Variants in UGT2A1 observed in about 807,000 individuals in gnomAD.
UGT2A1 encodes the protein UDP-glucuronosyltransferase 2A1.
A neutral mutation model predicts 45.4 loss-of-function variants in UGT2A1; 61 were observed. The ratio of observed to expected loss-of-function variants is 1.34; its 90% confidence interval spans 1.09 to 1.66. UGT2A1 has a LOEUF of 1.66. Among genes scored for constraint, UGT2A1 ranks in the 40% most tolerant of loss-of-function variants. The pLI is 0.00. For synonymous variants in UGT2A1, 229 were observed against 196.2 expected, an observed-to-expected ratio of 1.17 and a Z score of -1.40; for missense variants, 649 against 574.3, an observed-to-expected ratio of 1.13 and a Z score of -1.33.
intron 2 of UGT2A1, among the ~76,000 whole-genome samples, chr4:69,636,429 T>C (rs752987261): frequency 6.6e-6 from 1 of 152,182 alleles, no homozygotes; most frequent in African/African-American, 2.4e-5. Flanking sequence ...TTCAAGGCAG[T>C]TATTTGTTGT....
At chr4:69,621,451 T>A (rs1720750610) in intron 3 of UGT2A1, among the ~76,000 whole-genome samples, 1 of 152,018 alleles carries the variant, frequency 6.6e-6, no homozygotes, top group Non-Finnish European at 1.5e-5. Flanking sequence ...CACAGTGAGA[T>A]ACCATTTTAT....
chr4:69,592,185 C>T (rs1004164990), intron 6 of UGT2A1, among the ~76,000 whole-genome samples: 2 of 152,012 alleles, frequency 1.3e-5, no homozygotes, highest in Non-Finnish European at 2.9e-5. Flanking sequence ...AAATTCCATC[C>T]GAGTTTACCT....
At chr4:69,593,314 A>C (rs1577941108) in intron 6 of UGT2A1, among the ~76,000 whole-genome samples, 1 of 93,386 alleles carries the variant, frequency 1.1e-5, no homozygotes, top group Non-Finnish European at 2.3e-5. Flanking sequence ...TAAATGTGAG[A>C]AAAAAATGAC....
chr4:69,590,279 C>G (rs1429950677), intron 6 of UGT2A1, among the ~76,000 whole-genome samples: 1 of 152,034 alleles, frequency 6.6e-6, no homozygotes, highest in African/African-American at 2.4e-5. Context: ...GAAACATCTC[C>G]CTAGAATTAG....
chr4:69,618,035 T>C (rs181221814), intron 3 of UGT2A1, among the ~76,000 whole-genome samples: 19 of 152,140 alleles, frequency 1.2e-4, no homozygotes, highest in Non-Finnish European at 2.4e-4. Context: ...TAAGAATTTA[T>C]TTGTTTGACA....
intron 3 of UGT2A1, among the ~76,000 whole-genome samples, chr4:69,616,740 A>G (rs188874139): frequency 9.9e-5 from 15 of 151,988 alleles, no homozygotes; most frequent in Non-Finnish European, 2.1e-4. Context: ...AGTATAAGCT[A>G]TAAATCCTCC....
chr4:69,646,239 TA>T (rs1383799741), intron 2 of UGT2A1, among the ~76,000 whole-genome samples: 1 of 151,768 alleles, frequency 6.6e-6, no homozygotes, highest in Non-Finnish European at 1.5e-5. Context: ...TTCAAAAGCA[TA>T]AAAAATGGGC....
chr4:69,622,228 G>A (rs939453349), intron 3 of UGT2A1, among the ~76,000 whole-genome samples: 2 of 151,606 alleles, frequency 1.3e-5, no homozygotes, highest in Non-Finnish European at 1.5e-5. Context: ...AAAGAAAAAA[G>A]TTATGAATAC....
At chr4:69,619,870 G>T (rs1042898900) in intron 3 of UGT2A1, among the ~76,000 whole-genome samples, 1 of 151,894 alleles carries the variant, frequency 6.6e-6, no homozygotes, top group Admixed American at 6.6e-5. Context: ...AATACATGTG[G>T]TTCATCATGT....
chr4:69,631,185 G>A (rs905738869), intron 3 of UGT2A1, among the ~76,000 whole-genome samples: 1 of 152,094 alleles, frequency 6.6e-6, no homozygotes. Flanking sequence ...TAGGGCTTGA[G>A]TGAATCCTAG....
chr4:69,632,647 T>C lies in UGT2A1; in HGVS notation c.847+3044A>G, dbSNP rs1040083006. ...ACTCAGGCCTGTAATCCCAGCACTT[T>C]GGGAGGCAGAGGCGGGCAGATCACA... is the stretch of plus-strand genomic sequence containing the variant. On this transcript the variant is annotated intron_variant, in intron 3 of 6. Transcript: ENST00000286604. Among the ~76,000 whole-genome samples the C allele has an allele frequency of 6.6e-5, 10 of 152,194 alleles. No homozygotes were observed. The East Asian group carries it at 1.5e-3, about 23-fold the overall frequency.
In UGT2A1 at chr4:69,593,265, A is replaced by G. The variant is rs545204837; in HGVS notation, c.1304+1212T>C. Among the ~76,000 whole-genome samples, 357 of 152,204 alleles carry G rather than the reference A, an allele frequency of 2.3e-3. 1 individual carries two copies. The highest frequency in any genetic ancestry group is 8.1e-3 in the African/African-American group (336 of 41,566). On this transcript the variant is annotated intron_variant, in intron 6 of 6. Transcript: ENST00000286604. ...TTTGGAATAAATAATCTCTAATTCA[A>G]CGGTGAACACTGAGTCCCTTAAAAT...
chr4:69,640,541 T>G (rs1721997732), intron 2 of UGT2A1, among the ~76,000 whole-genome samples: 1 of 151,796 alleles, frequency 6.6e-6, no homozygotes, highest in African/African-American at 2.4e-5. Context: ...GCAATAGCAA[T>G]TATGTAACAA....
At chr4:69,610,161 A>G (rs1400407445) in intron 3 of UGT2A1, among the ~76,000 whole-genome samples, 2 of 152,154 alleles carry the variant, frequency 1.3e-5, no homozygotes, top group Non-Finnish European at 2.9e-5. Flanking sequence ...ATACATGCAT[A>G]TTTTAAAAGA....
At chr4:69,617,006 A>G (rs756753203) in intron 3 of UGT2A1, among the ~76,000 whole-genome samples, 1 of 151,816 alleles carries the variant, frequency 6.6e-6, no homozygotes, top group Middle Eastern at 3.2e-3. Context: ...GTGAATGAGA[A>G]ATATGTAGCT....
intron 4 of UGT2A1, among the ~76,000 whole-genome samples, chr4:69,597,908 T>A (rs535998131): frequency 6.6e-6 from 1 of 152,274 alleles, no homozygotes; most frequent in South Asian, 2.1e-4. Flanking sequence ...TCGATATTTA[T>A]ATTGATTGAA....
chr4:69,633,738 C>G (rs1318728784), intron 3 of UGT2A1, among the ~76,000 whole-genome samples: 2 of 151,996 alleles, frequency 1.3e-5, no homozygotes, highest in Non-Finnish European at 2.9e-5. Context: ...CGTTTAAAGT[C>G]AAGGAAAATT....
chr4:69,638,826 A>G (rs1364106102), intron 2 of UGT2A1: 1 of 1,448,908 alleles, frequency 6.9e-7, no homozygotes, highest in African/African-American at 1.4e-5. Context: ...GTGGAATGGA[A>G]ATCGTTTGCC....
chr4:69,601,669 T>C (rs1719302795), intron 3 of UGT2A1, among the ~76,000 whole-genome samples: 1 of 152,058 alleles, frequency 6.6e-6, no homozygotes, highest in African/African-American at 2.4e-5. Context: ...TCAACATTGC[T>C]AAGGCCAATA....
Sources: gnomAD v4.1 joint callset for allele counts (sites outside exome capture counted in the v4.1 genomes callset) on GRCh38, gnomAD v4.1.1 for gene constraint, MANE v1.5 for transcripts, NCBI Gene and HGNC (gene_info 2026-07-23, HGNC 2026-07-21) for gene names.